MTPN: variants seen among roughly 807,000 people sequenced by gnomAD.
MTPN encodes the protein myotrophin.
MTPN carries 2 observed loss-of-function variants against 13.5 expected under a neutral mutation model. That is an observed-to-expected ratio of 0.15 (90% CI 0.06 to 0.47). The LOEUF is 0.47. Ranked by LOEUF, MTPN falls within the 20% of genes least tolerant of loss-of-function variation. The pLI is 0.97. For missense variants in MTPN, 79 were observed against 137.9 expected (o/e 0.57, Z 2.14); for synonymous variants, 46 against 51.7 (o/e 0.89, Z 0.48).
chr7:135,976,960 C>A, intron 1 of MTPN, 69 bp downstream of exon 1: 1 of 1,322,634 alleles, frequency 7.6e-7, no homozygotes, highest in African/African-American at 1.4e-5. Context: ...GTCCAGCTCC[C>A]ATCAGCTTCC....
chr7:135,966,005 T>C (rs976391118), intron 1 of MTPN, among the ~76,000 whole-genome samples: 9 of 151,928 alleles, frequency 5.9e-5, no homozygotes, highest in East Asian at 5.8e-4. Flanking sequence ...CCACAGAATA[T>C]TAGGTGAGAT....
At chr7:135,954,681 G>T (rs890487184) in intron 1 of MTPN, among the ~76,000 whole-genome samples, 1 of 152,160 alleles carries the variant, frequency 6.6e-6, no homozygotes, top group African/African-American at 2.4e-5. Flanking sequence ...GGTGGCTCAC[G>T]CCTGTAATCC....
intron 3 of MTPN, among the ~76,000 whole-genome samples, chr7:135,945,358 A>C (rs1297151903): frequency 6.6e-6 from 1 of 152,218 alleles, no homozygotes; most frequent in African/African-American, 2.4e-5. Context: ...TAAACTTTTA[A>C]ATGTCTTTAA....
intron 1 of MTPN, among the ~76,000 whole-genome samples, chr7:135,959,567 T>C (rs1799492455): frequency 6.6e-6 from 1 of 152,172 alleles, no homozygotes; most frequent in Non-Finnish European, 1.5e-5. Context: ...CTGATGATAT[T>C]ATTCTCATGA....
intron 1 of MTPN, among the ~76,000 whole-genome samples, chr7:135,972,231 G>GCGCGCACACA (rs779296906): frequency 4.2e-4 from 53 of 124,714 alleles, no homozygotes; most frequent in African/African-American, 1.2e-3. Flanking sequence ...GCACGCGCGC[G>GCGCGCACACA]CACACACACA....
chr7:135,956,338 C>T (rs887644033), intron 1 of MTPN, among the ~76,000 whole-genome samples: 1 of 152,168 alleles, frequency 6.6e-6, no homozygotes, highest in African/African-American at 2.4e-5. Flanking sequence ...TAAAACATTA[C>T]CAGTTACAGA....
intron 1 of MTPN, among the ~76,000 whole-genome samples, chr7:135,973,340 T>G (rs1238362063): frequency 1.4e-5 from 2 of 147,120 alleles, no homozygotes; most frequent in Admixed American, 6.7e-5. Flanking sequence ...GAAAGGAGAG[T>G]GAGGAATGGA....
At chr7:135,944,199 A>G (rs749602703) in intron 3 of MTPN, among the ~76,000 whole-genome samples, 9 of 152,140 alleles carry the variant, frequency 5.9e-5, no homozygotes, top group Non-Finnish European at 1.0e-4. Flanking sequence ...AATAATTAGG[A>G]TATTTCCCCA....
intron 1 of MTPN, among the ~76,000 whole-genome samples, chr7:135,974,370 CCA>C (rs1799741797): frequency 6.6e-6 from 1 of 152,042 alleles, no homozygotes; most frequent in Admixed American, 6.6e-5. Context: ...AAAGTGAGAT[CCA>C]GTCTCTACAA....
intron 3 of MTPN, among the ~76,000 whole-genome samples, chr7:135,939,976 T>A (rs1179995917): frequency 6.6e-6 from 1 of 152,102 alleles, no homozygotes; most frequent in Non-Finnish European, 1.5e-5. Flanking sequence ...AAAGGAAAAA[T>A]TATTTTTTTA....
chr7:135,945,799 C>T (rs1185868813), intron 3 of MTPN, among the ~76,000 whole-genome samples: 2 of 151,902 alleles, frequency 1.3e-5, no homozygotes, highest in African/African-American at 4.8e-5. Flanking sequence ...CAGTCATTAC[C>T]AAGCATTATG....
intron 3 of MTPN, among the ~76,000 whole-genome samples, chr7:135,947,612 T>C (rs1482312252): frequency 1.3e-5 from 2 of 152,168 alleles, no homozygotes; most frequent in Non-Finnish European, 2.9e-5. Flanking sequence ...CCTGCAGATA[T>C]GTACATGTTC....
At chr7:135,964,069 AATT>A (rs1167681284) in intron 1 of MTPN, among the ~76,000 whole-genome samples, 21 of 152,134 alleles carry the variant, frequency 1.4e-4, no homozygotes, top group African/African-American at 5.1e-4. Flanking sequence ...ATTTGGAAAA[AATT>A]GTCAATTTGG....
intron 1 of MTPN, among the ~76,000 whole-genome samples, chr7:135,952,290 A>G (rs982590714): frequency 2.6e-5 from 4 of 152,198 alleles, no homozygotes; most frequent in African/African-American, 9.7e-5. Flanking sequence ...TTTCAGAAGA[A>G]CATGACAATC....
intron 3 of MTPN, among the ~76,000 whole-genome samples, chr7:135,944,712 G>A (rs1428402420): frequency 2.0e-5 from 3 of 152,058 alleles, no homozygotes; most frequent in African/African-American, 7.2e-5. Context: ...TAATACTACA[G>A]GCAAACTACT....
At chr7:135,973,280 A>T (rs369268181) in intron 1 of MTPN, among the ~76,000 whole-genome samples, 19 of 148,058 alleles carry the variant, frequency 1.3e-4, no homozygotes, top group African/African-American at 2.7e-4. Context: ...CAAGAAAGAA[A>T]ATATAGTCCA....
At chr7:135,938,838 T>C (rs1799156240) in intron 3 of MTPN, among the ~76,000 whole-genome samples, 1 of 152,152 alleles carries the variant, frequency 6.6e-6, no homozygotes, top group Non-Finnish European at 1.5e-5. Flanking sequence ...AACCAAAACT[T>C]CAACAGACCC....
At chr7:135,959,559 G>A (rs1352766322) in intron 1 of MTPN, among the ~76,000 whole-genome samples, 2 of 152,116 alleles carry the variant, frequency 1.3e-5, no homozygotes, top group Non-Finnish European at 2.9e-5. Flanking sequence ...GATTCGACCT[G>A]ATGATATTAT....
chr7:135,975,504 G>A (rs746126398), intron 1 of MTPN, among the ~76,000 whole-genome samples: 1 of 152,138 alleles, frequency 6.6e-6, no homozygotes, highest in Non-Finnish European at 1.5e-5. Context: ...TATTCACAAG[G>A]ATGACATAAA....
Sources: allele counts gnomAD v4.1 joint callset (sites outside exome capture counted in the v4.1 genomes callset), GRCh38; gene constraint gnomAD v4.1.1; transcripts MANE v1.5; gene names NCBI Gene and HGNC (gene_info 2026-07-23, HGNC 2026-07-21).